The following SYTL3 variants were observed in gnomAD, a reference collection of about 807,000 sequenced individuals.
The protein encoded by SYTL3 is synaptotagmin like 3, also known as synaptotagmin-like protein 3.
In SYTL3, 88 loss-of-function variants were observed where a neutral mutation model predicts 82.1. The ratio of observed to expected loss-of-function variants is 1.07; its 90% CI spans 0.90 to 1.28. SYTL3 has a LOEUF of 1.28. Ranked by LOEUF, SYTL3 falls within the 50% of genes most tolerant of loss-of-function variation. The pLI, the probability that SYTL3 is intolerant of heterozygous loss-of-function variation, is 0.00. For missense variants in SYTL3, 831 were observed against 757.6 expected (o/e 1.10, Z -1.14); for synonymous variants, 311 against 289.4 (o/e 1.07, Z -0.76).
intron 5 of SYTL3, among the ~76,000 whole-genome samples, chr6:158,673,426 T>G (rs1196504092): frequency 6.7e-6 from 1 of 150,286 alleles, no homozygotes; most frequent in African/African-American, 2.5e-5. Flanking sequence ...TTACACAGCT[T>G]CTTTGGGAAT....
intron 6 of SYTL3, among the ~76,000 whole-genome samples, chr6:158,691,738 G>A (rs1583250253): frequency 1.3e-5 from 2 of 150,808 alleles, no homozygotes; most frequent in Admixed American, 6.6e-5. Context: ...TGCAAGCTCC[G>A]CCTCCCGGGT....
At chr6:158,723,943 C>T (rs1454482125) in intron 10 of SYTL3, among the ~76,000 whole-genome samples, 1 of 152,182 alleles carries the variant, frequency 6.6e-6, no homozygotes, top group Non-Finnish European at 1.5e-5. Flanking sequence ...AGGTCTAGGA[C>T]GTGCTTTCTG....
chr6:158,754,315 T>C (rs1161993699), intron 13 of SYTL3, among the ~76,000 whole-genome samples: 1 of 152,192 alleles, frequency 6.6e-6, no homozygotes, highest in Non-Finnish European at 1.5e-5. Flanking sequence ...CTGGGTGACA[T>C]TGGTCATTGC....
chr6:158,707,164 T>C, intron 6 of SYTL3, 66 bp from the exon 7 acceptor site: 1 of 1,455,872 alleles, frequency 6.9e-7, no homozygotes, highest in Non-Finnish European at 9.6e-7. Flanking sequence ...ATCTACTATT[T>C]CCTGTATTTA....
At chr6:158,761,563 C>T (rs3102980) in intron 15 of SYTL3, among the ~76,000 whole-genome samples, 60,722 of 151,460 alleles carry the variant, frequency 0.4, 13,500 homozygotes, top group African/African-American at 0.58. Flanking sequence ...CCACCTTGGC[C>T]TCCCAAAGTG....
At chr6:158,653,118 A>G (rs962719797) in intron 2 of SYTL3, among the ~76,000 whole-genome samples, 3 of 152,192 alleles carry the variant, frequency 2.0e-5, no homozygotes, top group Non-Finnish European at 4.4e-5. Context: ...TTGTTGCAAA[A>G]ATGAGTCTTT....
At chr6:158,760,527 C>A in intron 14 of SYTL3, 113 bp from the exon 15 acceptor site, 1 of 872,802 alleles carries the variant, frequency 1.1e-6, no homozygotes, top group Non-Finnish European at 1.9e-6. Flanking sequence ...CACCCAGGGC[C>A]TTGCAGGGGC....
At chr6:158,731,585 T>C (rs910334740) in intron 11 of SYTL3, among the ~76,000 whole-genome samples, 1 of 152,148 alleles carries the variant, frequency 6.6e-6, no homozygotes, top group Non-Finnish European at 1.5e-5. Context: ...TCCCATCTTA[T>C]AACTAATTTT....
intron 11 of SYTL3, among the ~76,000 whole-genome samples, chr6:158,728,715 T>C (rs1239413632): frequency 6.6e-6 from 1 of 151,958 alleles, no homozygotes; most frequent in Non-Finnish European, 1.5e-5. Flanking sequence ...CCAAGGCGGG[T>C]GGATCATGAG....
At chr6:158,711,448 C>T (rs978774119) in intron 8 of SYTL3, among the ~76,000 whole-genome samples, 4 of 152,170 alleles carry the variant, frequency 2.6e-5, no homozygotes, top group African/African-American at 9.7e-5. Flanking sequence ...AGTCTCTCCA[C>T]AAGCCATCTG....
intron 5 of SYTL3, among the ~76,000 whole-genome samples, chr6:158,681,936 G>T (rs902536390): frequency 1.3e-5 from 2 of 152,142 alleles, no homozygotes; most frequent in Admixed American, 6.6e-5. Context: ...ATGATACATT[G>T]GTCATTTGTG....
intron 11 of SYTL3, 128 bp from the exon 12 acceptor site, chr6:158,745,352 A>T: frequency 1.2e-6 from 1 of 804,306 alleles, no homozygotes; most frequent in Non-Finnish European, 1.9e-6. Flanking sequence ...AAGCTGGTGC[A>T]TTATTAACTT....
In SYTL3 at chr6:158,762,138, C is replaced by T. The variant is rs148493778; in HGVS notation, c.1477C>T (p.Pro493Ser). The T allele has an allele frequency of 1.4e-5, 22 of 1,613,786 alleles. No individual in the cohort carries two copies. In the African/African-American group the frequency reaches 2.4e-4, roughly 18 times the overall value. The change falls in exon 16 of 18, where the codon CCT becomes TCT. Residue 493 changes from proline to serine, a missense_variant. Coordinates refer to ENST00000611299, the MANE Select transcript of SYTL3 (RefSeq NM_001242394.2). The part of the protein sequence containing the change: ...CLVVLGAKNL[P>S]VRPDGTLNSF... ...GGTAGTGCTAGGAGCCAAGAATTTACCTGTGCGGCCAGATGGCACCTTGAA... is the reference window on the plus strand; with the variant it reads ...GGTAGTGCTAGGAGCCAAGAATTTATCTGTGCGGCCAGATGGCACCTTGAA...
At chr6:158,751,860 G>GC in intron 12 of SYTL3, 68 bp from the exon 13 acceptor site, 2 of 1,198,800 alleles carry the variant, frequency 1.7e-6, no homozygotes, top group Non-Finnish European at 2.3e-6. Context: ...GTTCTCTGCT[G>GC]CCCCCAAACT....
chr6:158,762,042 A>G, intron 15 of SYTL3, 34 bp from the exon 16 acceptor site: 1 of 1,507,946 alleles, frequency 6.6e-7, no homozygotes. Flanking sequence ...ATCAGGAGAC[A>G]TGGTTTGACA....
chr6:158,667,278 C>T (rs1201080594), intron 5 of SYTL3, among the ~76,000 whole-genome samples: 1 of 152,190 alleles, frequency 6.6e-6, no homozygotes, highest in Non-Finnish European at 1.5e-5. Flanking sequence ...GGCACTGTAA[C>T]TTTACCCTCT....
chr6:158,644,980 C>T, the SYTL3 span, among the ~76,000 whole-genome samples: 1 of 152,228 alleles, frequency 6.6e-6, no homozygotes, highest in Non-Finnish European at 1.5e-5. Context: ...GCTCCCTAAA[C>T]CTTAGCAACA....
At chr6:158,734,802 T>C (rs1785923933) in intron 11 of SYTL3, among the ~76,000 whole-genome samples, 1 of 152,196 alleles carries the variant, frequency 6.6e-6, no homozygotes, top group Non-Finnish European at 1.5e-5. Flanking sequence ...TAAATGTTTG[T>C]TGAGTGATTG....
At chr6:158,683,708 G>T (rs1377804592) in intron 6 of SYTL3, among the ~76,000 whole-genome samples, 2 of 152,226 alleles carry the variant, frequency 1.3e-5, no homozygotes, top group African/African-American at 4.8e-5. Flanking sequence ...CAGTAACTGT[G>T]ATTTTAAAAT....
Sources: gnomAD v4.1 joint callset for allele counts (sites outside exome capture counted in the v4.1 genomes callset) on GRCh38, gnomAD v4.1.1 for gene constraint, MANE v1.5 for transcripts, NCBI Gene and HGNC (gene_info 2026-07-23, HGNC 2026-07-21) for gene names.